Variants in SLC1A2 observed in about 807,000 individuals in gnomAD.
SLC1A2 encodes excitatory amino acid transporter 2.
In SLC1A2, 15 loss-of-function variants were observed where a neutral mutation model predicts 48.8. That is an observed-to-expected ratio of 0.31 (90% CI 0.21 to 0.47). The LOEUF (loss-of-function observed/expected upper bound fraction) is 0.47, where lower values mean the gene tolerates loss of function less well. Among genes scored for constraint, SLC1A2 ranks in the 20% least tolerant of loss-of-function variants. The probability of loss-of-function intolerance (pLI) is 0.99; values close to 1 mark genes in which losing one functional copy is unlikely to be tolerated. For missense variants in SLC1A2, 502 were observed against 730.5 expected (o/e 0.69, Z 3.61); for synonymous variants, 279 against 272.6 (o/e 1.02, Z -0.23).
At chr11:35,382,804 A>C (rs1413874665) in intron 1 of SLC1A2, among the ~76,000 whole-genome samples, 1 of 152,186 alleles carries the variant, frequency 6.6e-6, no homozygotes, top group Non-Finnish European at 1.5e-5. Context: ...TCAAAAAAAA[A>C]AAAAAGTCCT....
intron 4 of SLC1A2, among the ~76,000 whole-genome samples, chr11:35,309,931 T>C (rs1040107763): frequency 6.6e-6 from 1 of 152,168 alleles, no homozygotes; most frequent in African/African-American, 2.4e-5. Context: ...CTCATATGAA[T>C]TTTGGCAATA....
At chr11:35,336,856 C>A (rs1312722355) in intron 1 of SLC1A2, among the ~76,000 whole-genome samples, 1 of 152,042 alleles carries the variant, frequency 6.6e-6, no homozygotes, top group Admixed American at 6.6e-5. Context: ...ACTCTTTAGC[C>A]CTTTACAGAA....
chr11:35,325,836 C>T (rs1852226996), intron 1 of SLC1A2, among the ~76,000 whole-genome samples: 1 of 151,770 alleles, frequency 6.6e-6, no homozygotes, highest in African/African-American at 2.4e-5. Context: ...TGGTGGCAGG[C>T]ACCTGTAATC....
chr11:35,389,701 C>A (rs1854702207), intron 1 of SLC1A2, among the ~76,000 whole-genome samples: 1 of 152,128 alleles, frequency 6.6e-6, no homozygotes, highest in Non-Finnish European at 1.5e-5. Context: ...AACTCCTGAA[C>A]TCAGGTGATC....
At chr11:35,398,558 G>A (rs1855043795) in intron 1 of SLC1A2, among the ~76,000 whole-genome samples, 1 of 152,162 alleles carries the variant, frequency 6.6e-6, no homozygotes, top group South Asian at 2.1e-4. Context: ...TACGTATCAG[G>A]TACTATGCTT....
At chr11:35,273,798 C>G (rs1041678376) in intron 9 of SLC1A2, among the ~76,000 whole-genome samples, 2 of 152,126 alleles carry the variant, frequency 1.3e-5, no homozygotes, top group Non-Finnish European at 2.9e-5. Flanking sequence ...GGGGCAGGAC[C>G]AGGATGGATT....
At chr11:35,270,540 G>A (rs959858246) in intron 9 of SLC1A2, among the ~76,000 whole-genome samples, 17 of 152,162 alleles carry the variant, frequency 1.1e-4, no homozygotes, top group African/African-American at 4.1e-4. Flanking sequence ...CAATTGCTTA[G>A]GCAGCAAAAA....
chr11:35,350,157 C>A (rs565098535), intron 1 of SLC1A2, among the ~76,000 whole-genome samples: 104 of 152,328 alleles, frequency 6.8e-4, no homozygotes, highest in African/African-American at 2.3e-3. Context: ...CAGAGGCCCA[C>A]TACTGGTTTT....
intron 10 of SLC1A2, among the ~76,000 whole-genome samples, chr11:35,263,370 A>T (rs138236853): frequency 0.014 from 2,182 of 152,302 alleles, 47 homozygotes; most frequent in African/African-American, 0.048. Context: ...CGAGAGGCTG[A>T]GGCAGGAGAA....
intron 1 of SLC1A2, among the ~76,000 whole-genome samples, chr11:35,366,256 T>C (rs1277071619): frequency 6.6e-6 from 1 of 152,234 alleles, no homozygotes; most frequent in African/African-American, 2.4e-5. Flanking sequence ...AATGTGAGCA[T>C]GTCTCAGATG....
chr11:35,268,521 C>T lies in SLC1A2; in HGVS notation c.1422-2763G>A, dbSNP rs376739419. On this transcript the variant is annotated intron_variant, in intron 9 of 10. Transcript: ENST00000278379. ...ACAGTACTAAAAATACAAAATTAGC[C>T]GGGCATGGTGGTGTGCACCTATAAT... Among the ~76,000 whole-genome samples, 38 of 151,906 alleles carry T rather than the reference C, an allele frequency of 2.5e-4. No individual in the cohort carries two copies. The South Asian group carries it at 5.6e-3, about 22-fold the overall frequency.
In SLC1A2 at chr11:35,258,709, T is replaced by TGA. The variant is rs1950348272; in HGVS notation, c.*2184_*2185insTC. The TGA allele has an allele frequency of 6.6e-6, 1 of 152,368 alleles. No homozygotes were observed. The highest frequency in any genetic ancestry group is 2.4e-5 in the African/African-American group (1 of 41,430). 9.4% of individuals were successfully genotyped at this position (152,368 alleles called of 1,614,324 possible). A position where few individuals can be genotyped will look rare whatever the true frequency, so the allele number is the denominator to read the frequency against. ...GTAATCCCAGCACTTTGGGAGGCCA[T>TGA]GGCGGGTGGATCATGAGGTCAGGAG... On this transcript the variant is annotated 3_prime_UTR_variant, in exon 11 of 11. Transcript: ENST00000278379.
At chr11:35,355,031 A>C (rs1565269989) in intron 1 of SLC1A2, among the ~76,000 whole-genome samples, 1 of 152,248 alleles carries the variant, frequency 6.6e-6, no homozygotes. Flanking sequence ...GGAAACTCCT[A>C]TAAATGATTA....
At chr11:35,313,565 A>C (rs771363911) in intron 3 of SLC1A2, among the ~76,000 whole-genome samples, 1 of 152,140 alleles carries the variant, frequency 6.6e-6, no homozygotes, top group Non-Finnish European at 1.5e-5. Context: ...CTATGGGGGA[A>C]GAAGTTAGTG....
At chr11:35,318,647 C>T (rs1355976352) in intron 1 of SLC1A2, among the ~76,000 whole-genome samples, 2 of 152,104 alleles carry the variant, frequency 1.3e-5, no homozygotes, top group Non-Finnish European at 2.9e-5. Flanking sequence ...AGTCAGAGGG[C>T]CTTGACTTCA....
intron 1 of SLC1A2, among the ~76,000 whole-genome samples, chr11:35,359,571 A>G (rs886739772): frequency 1.3e-5 from 2 of 152,202 alleles, no homozygotes; most frequent in African/African-American, 2.4e-5. Context: ...CATCAGTATC[A>G]TGTAATTAAT....
rs200064196 is a variant in SLC1A2, at chr11:35,317,359, G to C, written c.157+18C>G. ...CCAGAGAAGAGGGGGCTGGGGGTGG[G>C]GTAGTGCAGGTACCTACCAAACACC... On this transcript the variant is annotated intron_variant, in intron 2 of 10. Coordinates refer to ENST00000278379, the MANE Select transcript of SLC1A2 (RefSeq NM_004171.4). The C allele has an allele frequency of 1.9e-6, 3 of 1,611,306 alleles. No individual in the cohort carries two copies. The highest frequency in any genetic ancestry group is 3.3e-5 in the Admixed American group (2 of 59,952).
At chr11:35,360,887 T>A (rs1853657722) in intron 1 of SLC1A2, among the ~76,000 whole-genome samples, 1 of 152,076 alleles carries the variant, frequency 6.6e-6, no homozygotes, top group Non-Finnish European at 1.5e-5. Context: ...ATTATTATTT[T>A]TTTTTTGAGA....
At chr11:35,331,894 G>A (rs1852442336) in intron 1 of SLC1A2, among the ~76,000 whole-genome samples, 1 of 152,138 alleles carries the variant, frequency 6.6e-6, no homozygotes, top group African/African-American at 2.4e-5. Context: ...TGTGAAGGAA[G>A]GGCCATACAT....
Sources: allele counts gnomAD v4.1 joint callset (sites outside exome capture counted in the v4.1 genomes callset), GRCh38; gene constraint gnomAD v4.1.1; transcripts MANE v1.5; gene names NCBI Gene and HGNC (gene_info 2026-07-23, HGNC 2026-07-21).